PPP1R14C: variants seen among roughly 807,000 people sequenced by gnomAD.
PPP1R14C encodes protein phosphatase 1 regulatory inhibitor subunit 14C.
A neutral mutation model predicts 20.4 loss-of-function variants in PPP1R14C; 16 were observed. The observed-to-expected ratio is 0.78, with a 90% CI of 0.53 to 1.19. The LOEUF (loss-of-function observed/expected upper bound fraction) is 1.19, where lower values mean the gene tolerates loss of function less well. PPP1R14C is among the 50% of genes most tolerant of loss of function. The pLI is 0.00. For synonymous variants in PPP1R14C, 91 were observed against 91.0 expected (o/e 1.00, Z 0.00); for missense variants, 211 against 220.1 (o/e 0.96, Z 0.26).
chr6:150,206,630 G>A (rs577085745), intron 1 of PPP1R14C, among the ~76,000 whole-genome samples: 2 of 152,294 alleles, frequency 1.3e-5, no homozygotes, highest in South Asian at 4.1e-4. Flanking sequence ...TTCTACACGG[G>A]GCATGAGGAT....
At chr6:150,152,119 C>CAAAAAAAAAAAA (rs577869928) in intron 1 of PPP1R14C, among the ~76,000 whole-genome samples, 1 of 85,004 alleles carries the variant, frequency 1.2e-5, no homozygotes, top group African/African-American at 3.7e-5. Context: ...GACTCCGTCT[C>CAAAAAAAAAAAA]AAAAAAAAAA....
Position 150,248,869 on chromosome 6 carries a change from AT to A in PPP1R14C, c.*52del. ...CCAGAGACGAAGAAAGAGTCCTGGG[AT>A]TTGTACTTCATGAAGACTTTTGTGA... On this transcript the variant is annotated 3_prime_UTR_variant, in exon 4 of 4. Coordinates refer to ENST00000361131, the MANE Select transcript of PPP1R14C (RefSeq NM_030949.3). The A allele has an allele frequency of 8.1e-7, 1 of 1,239,092 alleles. No individual in the cohort carries two copies. Among genetic ancestry groups the A allele is most frequent in the African/African-American group, 1.5e-5 (1 of 66,958 alleles). 76.8% of individuals were successfully genotyped at this position (1,239,092 alleles called of 1,614,324 possible). A position where few individuals can be genotyped will look rare whatever the true frequency, so the allele number is the denominator to read the frequency against.
chr6:150,238,641 C>G (rs935292845), intron 3 of PPP1R14C, among the ~76,000 whole-genome samples: 3 of 152,274 alleles, frequency 2.0e-5, no homozygotes, highest in African/African-American at 7.2e-5. Context: ...TCTGTGTCTT[C>G]TTTCCCAGCT....
At chr6:150,162,090 T>G (rs966298960) in intron 1 of PPP1R14C, among the ~76,000 whole-genome samples, 2 of 151,130 alleles carry the variant, frequency 1.3e-5, no homozygotes, top group African/African-American at 4.9e-5. Context: ...GAGTCTTGGT[T>G]TGTCACCCAG....
rs1213193577 is a variant in PPP1R14C, at chr6:150,143,208, G to A, written c.16G>A (p.Gly6Ser). 7.4e-7 allele frequency: 1 copy of A among 1,360,384 alleles called. No homozygotes were observed. The highest frequency in any genetic ancestry group is 1.8e-5 in the South Asian group (1 of 56,328). The allele number at this position is 1,360,384 out of a possible 1,614,324, so 84.3% of individuals were successfully genotyped here. ...GCGCGGGGACATGTCGGTGGCGACG[G>A]GCAGCAGCGAGACGGCCGGCGGGGC... MSVAT[G>S]SSETAGGASG... is the part of the protein sequence containing the mutation. Residue 6 changes from glycine to serine, a missense_variant, in exon 1 of 4, where the codon GGC becomes AGC. Coordinates refer to ENST00000361131, the MANE Select transcript of PPP1R14C (RefSeq NM_030949.3). The surrounding 1 kb of genome is among the most constrained non-coding windows in gnomAD (Gnocchi z 5.6).
intron 1 of PPP1R14C, among the ~76,000 whole-genome samples, chr6:150,157,371 C>A (rs1375958495): frequency 6.6e-6 from 1 of 151,780 alleles, no homozygotes; most frequent in African/African-American, 2.4e-5. Context: ...AAAATCAAAA[C>A]AAACAGAAAA....
At chr6:150,151,279 C>A (rs1051689655) in intron 1 of PPP1R14C, among the ~76,000 whole-genome samples, 2 of 152,148 alleles carry the variant, frequency 1.3e-5, no homozygotes, top group Non-Finnish European at 2.9e-5. Flanking sequence ...CCTTAGGAAA[C>A]CTGCTCCTCT....
At chr6:150,149,076 A>T (rs1417882985) in intron 1 of PPP1R14C, among the ~76,000 whole-genome samples, 1 of 152,132 alleles carries the variant, frequency 6.6e-6, no homozygotes, top group Non-Finnish European at 1.5e-5. Flanking sequence ...GAAAAAAAAA[A>T]GTCAGTAGAT....
intron 1 of PPP1R14C, among the ~76,000 whole-genome samples, chr6:150,151,226 G>T (rs1777243707): frequency 6.6e-6 from 1 of 152,144 alleles, no homozygotes; most frequent in Admixed American, 6.5e-5. Flanking sequence ...GTACCCCAGA[G>T]AAACCTCATA....
At chr6:150,173,494 G>A (rs941920630) in intron 1 of PPP1R14C, among the ~76,000 whole-genome samples, 1 of 152,040 alleles carries the variant, frequency 6.6e-6, no homozygotes, top group Non-Finnish European at 1.5e-5. Flanking sequence ...TCTTCTCAGG[G>A]GGCTCAGATC....
At chr6:150,167,253 A>G (rs1777432762) in intron 1 of PPP1R14C, among the ~76,000 whole-genome samples, 1 of 152,182 alleles carries the variant, frequency 6.6e-6, no homozygotes, top group Non-Finnish European at 1.5e-5. Context: ...CTGTAATCCC[A>G]GCTACTCAGG....
chr6:150,174,806 T>C (rs943536883), intron 1 of PPP1R14C, among the ~76,000 whole-genome samples: 5 of 150,954 alleles, frequency 3.3e-5, no homozygotes, highest in Non-Finnish European at 7.4e-5. Flanking sequence ...CTACTGAAAA[T>C]ACACAAAAAA....
chr6:150,177,041 A>C (rs928535033), intron 1 of PPP1R14C, among the ~76,000 whole-genome samples: 1 of 152,162 alleles, frequency 6.6e-6, no homozygotes, highest in African/African-American at 2.4e-5. Context: ...CCCATACCAG[A>C]AATCCTAATA....
chr6:150,239,914 C>T lies in PPP1R14C; in HGVS notation c.424-8832C>T, dbSNP rs887455989. ...CAAAAAATATAAAAAATTAGCTGGG[C>T]GTGGTGGTGCATGCCTGTAATCCCA... On this transcript the variant is annotated intron_variant, in intron 3 of 3. Coordinates refer to ENST00000361131, the MANE Select transcript of PPP1R14C (RefSeq NM_030949.3). Among the ~76,000 whole-genome samples the T allele has an allele frequency of 3.3e-5, 5 of 151,810 alleles. No individual in the cohort carries two copies. In the East Asian group the frequency reaches 5.8e-4, roughly 18 times the overall value.
intron 3 of PPP1R14C, among the ~76,000 whole-genome samples, chr6:150,238,622 G>A (rs572993639): frequency 1.3e-5 from 2 of 152,280 alleles, no homozygotes; most frequent in African/African-American, 4.8e-5. Flanking sequence ...TGTTGGCAGG[G>A]CCTGTGTTTC....
chr6:150,187,253 G>C (rs1033643087), intron 1 of PPP1R14C, among the ~76,000 whole-genome samples: 83 of 51,180 alleles, frequency 1.6e-3, no homozygotes, highest in African/African-American at 5.5e-3. Flanking sequence ...TTCTCTGTGT[G>C]TGTGTGTGTG....
intron 1 of PPP1R14C, among the ~76,000 whole-genome samples, chr6:150,173,335 C>A (rs915312883): frequency 6.6e-5 from 10 of 151,526 alleles, no homozygotes; most frequent in Middle Eastern, 3.4e-3. Flanking sequence ...TTATCCTTAC[C>A]CTTTTTTTTT....
chr6:150,230,155 T>A (rs1186522242), intron 3 of PPP1R14C, among the ~76,000 whole-genome samples: 1 of 152,204 alleles, frequency 6.6e-6, no homozygotes, highest in Non-Finnish European at 1.5e-5. Context: ...ATCCTCACCT[T>A]TTCCAAGAGG....
chr6:150,216,583 C>T (rs558378695), intron 2 of PPP1R14C, among the ~76,000 whole-genome samples: 99 of 151,768 alleles, frequency 6.5e-4, no homozygotes, highest in African/African-American at 2.3e-3. Flanking sequence ...AAATATTTTC[C>T]TGTTCAAAAA....
Sources: allele counts gnomAD v4.1 joint callset (sites outside exome capture counted in the v4.1 genomes callset), GRCh38; gene constraint gnomAD v4.1.1; non-coding constraint Gnocchi (gnomAD v3.1); transcripts MANE v1.5; gene names NCBI Gene and HGNC (gene_info 2026-07-23, HGNC 2026-07-21).